DDA1: variants seen among roughly 807,000 people sequenced by gnomAD.
DDA1 encodes DET1- and DDB1-associated protein 1.
In DDA1, 3 loss-of-function variants were observed where a neutral mutation model predicts 18.6. The ratio of observed to expected loss-of-function variants is 0.16; its 90% CI spans 0.07 to 0.42. The LOEUF is 0.42. Among genes scored for constraint, DDA1 ranks in the 10% least tolerant of loss-of-function variants. The probability of loss-of-function intolerance (pLI) is 0.99; values close to 1 mark genes in which losing one functional copy is unlikely to be tolerated. For synonymous variants in DDA1, 52 were observed against 54.0 expected (o/e 0.96, Z 0.17); for missense variants, 105 against 138.2 (o/e 0.76, Z 1.20).
intron 1 of DDA1, among the ~76,000 whole-genome samples, chr19:17,312,493 G>C (rs1429006643): frequency 6.6e-6 from 1 of 152,068 alleles, no homozygotes; most frequent in East Asian, 1.9e-4. Context: ...GGGTGTGTAT[G>C]ATGGGAGTCC....
chr19:17,315,927 T>C lies in DDA1; in HGVS notation c.137-7T>C. 6.2e-7 allele frequency: 1 copy of C among 1,614,080 alleles called. No individual in the cohort carries two copies. Among genetic ancestry groups the C allele is most frequent in the Non-Finnish European group, 8.5e-7 (1 of 1,179,984 alleles). ...CGTCTGCGACTTTCTCTATCTTTCCTCCTTAGTCATCGTGACAGAAAAGAC... is the reference window on the plus strand; with the variant it reads ...CGTCTGCGACTTTCTCTATCTTTCCCCCTTAGTCATCGTGACAGAAAAGAC... On this transcript the variant is annotated splice_polypyrimidine_tract_variant and splice_region_variant and intron_variant, in intron 3 of 4. Transcript: ENST00000359866.
chr19:17,315,318 G>A (rs55926344), intron 3 of DDA1, among the ~76,000 whole-genome samples: 415 of 25,310 alleles, frequency 0.016, 11 homozygotes, highest in Non-Finnish European at 0.024. Context: ...ATATATACAC[G>A]CTATATATAT....
chr19:17,313,298 C>T (rs1313886884), intron 1 of DDA1, among the ~76,000 whole-genome samples: 1 of 152,038 alleles, frequency 6.6e-6, no homozygotes, highest in Non-Finnish European at 1.5e-5. Context: ...ACCTCCTGCC[C>T]CATTGGGTCA....
In DDA1 at chr19:17,309,764, C is replaced by A. The variant is rs2074169819; in HGVS notation, c.3+107C>A. 5 of 1,417,042 alleles carry A rather than the reference C, an allele frequency of 3.5e-6. No individual in the cohort carries two copies. The Admixed American group carries it at 1.2e-4, about 33-fold the overall frequency. The allele number at this position is 1,417,042 out of a possible 1,614,324, so 87.8% of individuals were successfully genotyped here. ...AGGCCCCTCTCCGTTCTGCCCGGTC[C>A]CCTCAGGTCCGGCCCGCCCCTCCCA... On this transcript the variant is annotated intron_variant, in intron 1 of 4. Transcript: ENST00000359866.
intron 1 of DDA1, among the ~76,000 whole-genome samples, chr19:17,312,665 T>C (rs2074184723): frequency 6.6e-6 from 1 of 152,184 alleles, no homozygotes; most frequent in South Asian, 2.1e-4. Context: ...AGGCACCCTG[T>C]CCTGCAGCCG....
rs547283594 is a variant in DDA1 at position 17,317,119 on chromosome 19, G to A, written c.198+1124G>A. ...GCACGCCTGTAATCCCAGCTACTCCGGAGGCTGAGGCAGAAGAATGGCTTG... is the reference window on the plus strand; with the variant it reads ...GCACGCCTGTAATCCCAGCTACTCCAGAGGCTGAGGCAGAAGAATGGCTTG... On this transcript the variant is annotated intron_variant, in intron 4 of 4. Coordinates refer to ENST00000359866, the MANE Select transcript of DDA1 (RefSeq NM_024050.6). 7.2e-5 allele frequency among the ~76,000 whole-genome samples: 11 copies of A among 152,238 alleles called. No homozygotes were observed. The East Asian group carries it at 1.9e-3, about 27-fold the overall frequency.
intron 1 of DDA1, 106 bp downstream of exon 1, chr19:17,309,763 C>G: frequency 1.4e-6 from 2 of 1,417,086 alleles, no homozygotes; most frequent in South Asian, 1.4e-5. Flanking sequence ...TCTGCCCGGT[C>G]CCCTCAGGTC....
At position 17,315,206 on chromosome 19, in the gene DDA1, CGT is replaced by C. The variant is rs1491203822; in HGVS notation, c.137-725_137-724del. Among the ~76,000 whole-genome samples, 9 of 29,176 alleles carry C rather than the reference CGT, an allele frequency of 3.1e-4. 2 individuals carry two copies. Among genetic ancestry groups the C allele is most frequent in the African/African-American group, 9.4e-4 (6 of 6,370 alleles). The allele number at this position is 29,176 out of a possible 152,430, so 19.1% of individuals were successfully genotyped here. ...GTGTATACACACACGTGTATACACA[CGT>C]GTATATACACACACGTGTATACACA... On this transcript the variant is annotated intron_variant, in intron 3 of 4. Coordinates refer to ENST00000359866, the MANE Select transcript of DDA1 (RefSeq NM_024050.6).
chr19:17,319,560 G>T lies in DDA1; in HGVS notation c.213G>T (p.Lys71Asn). The T allele has an allele frequency of 6.4e-7, 1 of 1,570,496 alleles. No homozygotes were observed. Among genetic ancestry groups the T allele is most frequent in the Non-Finnish European group, 8.6e-7 (1 of 1,157,642 alleles). ...QQWDKKNAAKKRDQEQVELEG... is the reference protein window; with the variant it reads ...QQWDKKNAAKNRDQEQVELEG... ...CTGTCCCCCAGAACGCTGCCAAGAAGAGAGACCAGGAGCAAGTGGAGCTGG... is the reference window on the plus strand; with the variant it reads ...CTGTCCCCCAGAACGCTGCCAAGAATAGAGACCAGGAGCAAGTGGAGCTGG... Residue 71 changes from lysine (K) to asparagine (N), a missense_variant, in exon 5 of 5, where the codon AAG becomes AAT. Around this residue, in one of 2 missense-constraint regions of DDA1, gnomAD observed 62 missense variants for 55.8 expected, o/e 1.11. Transcript: ENST00000359866.
At chr19:17,311,874 G>T (rs1339357467) in intron 1 of DDA1, among the ~76,000 whole-genome samples, 3 of 152,084 alleles carry the variant, frequency 2.0e-5, no homozygotes, top group Non-Finnish European at 4.4e-5. Context: ...GCCCAGCCGT[G>T]GCTGGCATTT....
rs2074193612 is a variant in DDA1, at chr19:17,314,507, G to C, written c.136+118G>C. On this transcript the variant is annotated intron_variant, in intron 3 of 4. Coordinates refer to ENST00000359866, the MANE Select transcript of DDA1 (RefSeq NM_024050.6). This position sits in a 1 kb window ranked among gnomAD's most constrained non-coding sequence, Gnocchi z 4.6. ...GGCCCAGGCCATAGACTTGGCTTGG[G>C]TTCACACGCTGTCTACTGAATCCAG... The C allele has an allele frequency of 7.3e-7, 1 of 1,367,402 alleles. No homozygotes were observed. The highest frequency in any genetic ancestry group is 1.0e-6 in the Non-Finnish European group (1 of 973,438). The allele number at this position is 1,367,402 out of a possible 1,614,324, so 84.7% of individuals were successfully genotyped here. A position where few individuals can be genotyped will look rare whatever the true frequency, so the allele number is the denominator to read the frequency against.
At chr19:17,315,176 CACACGTGT>C (rs2074199096) in intron 3 of DDA1, among the ~76,000 whole-genome samples, 1 of 45,912 alleles carries the variant, frequency 2.2e-5, no homozygotes, top group African/African-American at 1.6e-4. Flanking sequence ...TGTATATACA[CACACGTGT>C]ATACACACAC....
chr19:17,315,363 CTATATATATACACACG>C (rs1390887618), intron 3 of DDA1, among the ~76,000 whole-genome samples: 14 of 54,678 alleles, frequency 2.6e-4, no homozygotes, highest in East Asian at 2.4e-3. Context: ...TATATATACG[CTATATATATACACACG>C]TATATATATA....
chr19:17,311,691 G>A (rs774739575), intron 1 of DDA1, among the ~76,000 whole-genome samples: 29 of 152,264 alleles, frequency 1.9e-4, no homozygotes, highest in East Asian at 9.6e-4. Flanking sequence ...CTTTCTGCTC[G>A]GAACACTCTT....
chr19:17,316,532 A>C (rs535834805), intron 4 of DDA1, among the ~76,000 whole-genome samples: 14 of 151,404 alleles, frequency 9.2e-5, no homozygotes, highest in Non-Finnish European at 2.1e-4. Context: ...GTGAGCCGAG[A>C]TTGCACCACT....
At chr19:17,309,917 G>A (rs1048226206) in intron 1 of DDA1, among the ~76,000 whole-genome samples, 2 of 151,884 alleles carry the variant, frequency 1.3e-5, no homozygotes, top group East Asian at 3.9e-4. Flanking sequence ...TCCGGGTTGC[G>A]GCTCCCCCCG....
intron 3 of DDA1, among the ~76,000 whole-genome samples, chr19:17,315,326 T>C (rs1251404079): frequency 9.2e-6 from 1 of 108,956 alleles, no homozygotes; most frequent in Non-Finnish European, 1.9e-5. Context: ...ACGCTATATA[T>C]ATACACACGT....
rs1384863715 is a variant in DDA1 at position 17,309,606 on chromosome 19, G to C, written c.-49G>C. 2 of 1,602,354 alleles carry C rather than the reference G, an allele frequency of 1.2e-6. No individual in the cohort carries two copies. Among genetic ancestry groups the C allele is most frequent in the Non-Finnish European group, 1.7e-6 (2 of 1,170,568 alleles). On this transcript the variant is annotated 5_prime_UTR_variant, in exon 1 of 5. Coordinates refer to ENST00000359866, the MANE Select transcript of DDA1 (RefSeq NM_024050.6). ...GGCTAAGAAGGCGGCTCTGGTGGCG[G>C]CGGTGGAGGCTGAGGCGGCGGCCGA...
intron 1 of DDA1, among the ~76,000 whole-genome samples, chr19:17,313,608 AATTTTTAT>A (rs1390859472): frequency 6.6e-6 from 1 of 151,532 alleles, no homozygotes; most frequent in Non-Finnish European, 1.5e-5. Context: ...ACGCCCACCT[AATTTTTAT>A]ATTTTTAGTA....
Sources: allele counts gnomAD v4.1 joint callset (sites outside exome capture counted in the v4.1 genomes callset), GRCh38; gene constraint gnomAD v4.1.1; regional missense constraint gnomAD v4.1.1; non-coding constraint Gnocchi (gnomAD v3.1); transcripts MANE v1.5; gene names NCBI Gene and HGNC (gene_info 2026-07-23, HGNC 2026-07-21).